VTI1A: variants seen among roughly 807,000 people sequenced by gnomAD.
VTI1A encodes the protein vesicle transport through interaction with t-SNAREs homolog 1A.
In VTI1A, 22 loss-of-function variants were observed where a neutral mutation model predicts 34.9. The ratio of observed to expected loss-of-function variants is 0.63; its 90% CI spans 0.45 to 0.90. VTI1A has a LOEUF of 0.90. VTI1A is among the 40% of genes least tolerant of loss of function. VTI1A has a pLI of 0.00. For synonymous variants in VTI1A, 87 were observed against 97.3 expected, an observed-to-expected ratio of 0.89 and a Z score of 0.62; for missense variants, 268 against 275.6, an observed-to-expected ratio of 0.97 and a Z score of 0.20.
At chr10:112,576,755 G>C (rs145119083) in intron 5 of VTI1A, among the ~76,000 whole-genome samples, 1 of 152,110 alleles carries the variant, frequency 6.6e-6, no homozygotes, top group Non-Finnish European at 1.5e-5. Context: ...TGCCAAATAT[G>C]TACAGGGCTT....
intron 5 of VTI1A, among the ~76,000 whole-genome samples, chr10:112,655,927 A>G (rs990152215): frequency 2.0e-5 from 3 of 152,228 alleles, no homozygotes; most frequent in African/African-American, 4.8e-5. Context: ...TCTAGTGCAC[A>G]CTAGCAAATG....
At chr10:112,527,417 A>G (rs372766831) in intron 4 of VTI1A, 3 of 295,780 alleles carry the variant, frequency 1.0e-5, no homozygotes, top group South Asian at 1.9e-4. Context: ...ATTATTTAGT[A>G]CTTAAGGAAT....
At chr10:112,602,372 C>T (rs1381650253) in intron 5 of VTI1A, among the ~76,000 whole-genome samples, 1 of 152,140 alleles carries the variant, frequency 6.6e-6, no homozygotes, top group African/African-American at 2.4e-5. Flanking sequence ...TGAAAATGAG[C>T]AATTGATATG....
intron 7 of VTI1A, among the ~76,000 whole-genome samples, chr10:112,770,496 C>T (rs1319770531): frequency 3.3e-5 from 5 of 151,164 alleles, no homozygotes; most frequent in South Asian, 4.2e-4. Context: ...CCCAGGTTCA[C>T]GCCATTCTCC....
intron 5 of VTI1A, among the ~76,000 whole-genome samples, chr10:112,591,183 T>G (rs943205074): frequency 1.2e-4 from 18 of 152,034 alleles, no homozygotes; most frequent in Non-Finnish European, 2.4e-4. Context: ...CAAGCAAAGC[T>G]CAGGAATTCA....
At chr10:112,783,583 G>A (rs1309404949) in intron 7 of VTI1A, among the ~76,000 whole-genome samples, 3 of 152,190 alleles carry the variant, frequency 2.0e-5, no homozygotes, top group African/African-American at 4.8e-5. Flanking sequence ...CATAGTTGCC[G>A]TGGCCTTTGG....
At chr10:112,540,539 T>C (rs1291047179) in intron 5 of VTI1A, among the ~76,000 whole-genome samples, 1 of 152,184 alleles carries the variant, frequency 6.6e-6, no homozygotes, top group African/African-American at 2.4e-5. Context: ...GGAGTCATCA[T>C]TGCTAATTTA....
intron 5 of VTI1A, among the ~76,000 whole-genome samples, chr10:112,589,424 G>GA (rs766794629): frequency 1.3e-5 from 2 of 152,016 alleles, no homozygotes; most frequent in Non-Finnish European, 2.9e-5. Flanking sequence ...CCATGATCGT[G>GA]GAACTGTAAG....
At chr10:112,674,399 A>G (rs569403230) in intron 7 of VTI1A, among the ~76,000 whole-genome samples, 2 of 152,192 alleles carry the variant, frequency 1.3e-5, no homozygotes, top group African/African-American at 4.8e-5. Context: ...TTTTGTGTGC[A>G]TAAGTTTATT....
intron 7 of VTI1A, among the ~76,000 whole-genome samples, chr10:112,703,405 T>C (rs1001242318): frequency 2.6e-5 from 4 of 152,056 alleles, no homozygotes; most frequent in African/African-American, 9.7e-5. Context: ...CCATCTCTAC[T>C]AAAAATACAA....
In VTI1A at chr10:112,534,658, A is replaced by G. The variant is rs895067071; in HGVS notation, c.343-3588A>G. ...ATAAAATGAAGGGGAAAAATATACA[A>G]AAACCCTCGCCCTCCAACCTTTTTG... On this transcript the variant is annotated intron_variant, in intron 4 of 7. Coordinates refer to ENST00000393077, the MANE Select transcript of VTI1A (RefSeq NM_145206.4). Among the ~76,000 whole-genome samples, 7 of 152,298 alleles carry G rather than the reference A, an allele frequency of 4.6e-5. No homozygotes were observed. In the East Asian group the frequency reaches 7.7e-4, roughly 17 times the overall value.
At chr10:112,830,331 A>C in the VTI1A span, among the ~76,000 whole-genome samples, 2 of 148,044 alleles carry the variant, frequency 1.4e-5, no homozygotes, top group African/African-American at 5.0e-5. Flanking sequence ...TCTCCATTCC[A>C]CTTCCCTCAC....
At chr10:112,770,758 C>T (rs905031416) in intron 7 of VTI1A, among the ~76,000 whole-genome samples, 9 of 151,902 alleles carry the variant, frequency 5.9e-5, no homozygotes, top group Non-Finnish European at 1.0e-4. Context: ...CTTATAACAC[C>T]CTGCTTCTGC....
chr10:112,674,629 A>G (rs1216155807), intron 7 of VTI1A, among the ~76,000 whole-genome samples: 1 of 152,182 alleles, frequency 6.6e-6, no homozygotes, highest in Non-Finnish European at 1.5e-5. Flanking sequence ...TTTGAGCCTT[A>G]AGTGCATATG....
chr10:112,639,619 G>C (rs1026806473), intron 5 of VTI1A, among the ~76,000 whole-genome samples: 3 of 152,090 alleles, frequency 2.0e-5, no homozygotes, highest in Admixed American at 1.3e-4. Flanking sequence ...TAACATTTAA[G>C]AGCTCTAGAA....
chr10:112,817,747 A>T lies in VTI1A; in HGVS notation c.*2364A>T, dbSNP rs1401661937. ...GGAATAACGTCCACAGACTTGAAGC[A>T]GATAGTGAAGTAGATCTGTGAGAGG... On this transcript the variant is annotated 3_prime_UTR_variant, in exon 8 of 8. Coordinates refer to ENST00000393077, the MANE Select transcript of VTI1A (RefSeq NM_145206.4). The T allele has an allele frequency of 8.7e-6, 2 of 230,104 alleles. No individual in the cohort carries two copies. The highest frequency in any genetic ancestry group is 1.7e-5 in the Non-Finnish European group (2 of 116,156). The allele number at this position is 230,104 out of a possible 1,614,324, so 14.3% of individuals were successfully genotyped here.
At chr10:112,719,911 T>C (rs11196075) in intron 7 of VTI1A, among the ~76,000 whole-genome samples, 13,738 of 152,208 alleles carry the variant, frequency 0.09, 1,618 homozygotes, top group African/African-American at 0.27. Flanking sequence ...ACTCCCACTT[T>C]CCTGCCAGCC....
At chr10:112,830,849 A>ATATAT in the VTI1A span, among the ~76,000 whole-genome samples, 5 of 33,494 alleles carry the variant, frequency 1.5e-4, no homozygotes, top group Admixed American at 4.7e-4. Context: ...ATATATATAT[A>ATATAT]TTTTTTTTTT....
chr10:112,467,549 G>A (rs541760231), intron 3 of VTI1A, among the ~76,000 whole-genome samples: 12 of 152,310 alleles, frequency 7.9e-5, no homozygotes, highest in Non-Finnish European at 1.8e-4. Flanking sequence ...ATCCTGGGCT[G>A]CCTGCAGCCT....
Sources: gnomAD v4.1 joint callset for allele counts (sites outside exome capture counted in the v4.1 genomes callset) on GRCh38, gnomAD v4.1.1 for gene constraint, MANE v1.5 for transcripts, NCBI Gene and HGNC (gene_info 2026-07-23, HGNC 2026-07-21) for gene names.